Variants in SH3BP4 observed in about 807,000 individuals in gnomAD.
SH3BP4 encodes the protein SH3 domain-binding protein 4.
A neutral mutation model predicts 65.5 loss-of-function variants in SH3BP4; 33 were observed. That is an observed-to-expected ratio of 0.50 (90% CI 0.38 to 0.67). The LOEUF (loss-of-function observed/expected upper bound fraction) is 0.67, where lower values mean the gene tolerates loss of function less well. Among genes scored for constraint, SH3BP4 ranks in the 30% least tolerant of loss-of-function variants. The probability of loss-of-function intolerance (pLI) is 0.00; values close to 1 mark genes in which losing one functional copy is unlikely to be tolerated. For missense variants in SH3BP4, 1,134 were observed against 1,261.4 expected (o/e 0.90, Z 1.53); for synonymous variants, 552 against 545.5 (o/e 1.01, Z -0.17).
chr2:235,040,316 A>C (rs908540066), intron 3 of SH3BP4, among the ~76,000 whole-genome samples: 10 of 152,078 alleles, frequency 6.6e-5, no homozygotes, highest in African/African-American at 2.4e-4. Flanking sequence ...TTATCTGAGG[A>C]AACAGTTTGG....
At chr2:234,969,122 C>A (rs1041413696) in intron 1 of SH3BP4, among the ~76,000 whole-genome samples, 1 of 152,242 alleles carries the variant, frequency 6.6e-6, no homozygotes, top group Non-Finnish European at 1.5e-5. Flanking sequence ...CAGGGCGCCT[C>A]TTCCCCGTAG....
At position 235,052,487 on chromosome 2, in the gene SH3BP4, T is replaced by C; in HGVS notation, c.2479-75T>C. 1 of 1,234,806 alleles carries C rather than the reference T, an allele frequency of 8.1e-7. No homozygotes were observed. 76.5% of individuals were successfully genotyped at this position (1,234,806 alleles called of 1,614,324 possible). A position where few individuals can be genotyped will look rare whatever the true frequency, so the allele number is the denominator to read the frequency against. ...AGCCCATGGCCATTCCTGCGCCGTCTGCTGGAATTCTGCGGGGAGCAGAGC... is the reference window on the plus strand; with the variant it reads ...AGCCCATGGCCATTCCTGCGCCGTCCGCTGGAATTCTGCGGGGAGCAGAGC... On this transcript the variant is annotated intron_variant, in intron 4 of 5. Coordinates refer to ENST00000392011, the MANE Select transcript of SH3BP4 (RefSeq NM_014521.3). The surrounding 1 kb of genome is among the most constrained non-coding windows in gnomAD (Gnocchi z 5.0).
chr2:235,027,402 C>A (rs895602379), intron 2 of SH3BP4, among the ~76,000 whole-genome samples: 2 of 139,818 alleles, frequency 1.4e-5, no homozygotes, highest in Non-Finnish European at 3.1e-5. Context: ...GCTCGGGGTG[C>A]TGGGTGTCAG....
chr2:235,011,061 T>C (rs1372094991), intron 2 of SH3BP4, among the ~76,000 whole-genome samples: 1 of 150,114 alleles, frequency 6.7e-6, no homozygotes, highest in East Asian at 2.0e-4. Flanking sequence ...TTCCTCCCTC[T>C]CCTAGGAGAA....
rs1343836097 is a variant in SH3BP4, at chr2:235,041,361, G to A, written c.592G>A (p.Gly198Ser). 1.9e-6 allele frequency: 3 copies of A among 1,614,044 alleles called. No homozygotes were observed. In the South Asian group the frequency reaches 3.3e-5, roughly 18 times the overall value. The change falls in exon 4 of 6, where the codon GGT becomes AGT. Residue 198 changes from glycine to serine, a missense_variant. Coordinates refer to ENST00000392011, the MANE Select transcript of SH3BP4 (RefSeq NM_014521.3). The surrounding 1 kb of genome is among the most constrained non-coding windows in gnomAD (Gnocchi z 6.0). ...TGTGGATTTGCTCCTTTTTGACGCA[G>A]GTACATCCTCCTTCACCGAATCCAG... ...STVDLLLFDA[G>S]TSSFTESSSA...
At chr2:235,008,896 T>C (rs1694386626) in intron 2 of SH3BP4, among the ~76,000 whole-genome samples, 1 of 152,162 alleles carries the variant, frequency 6.6e-6, no homozygotes, top group African/African-American at 2.4e-5. Flanking sequence ...TGCCTGCCTG[T>C]TTTTGTCTGA....
intron 1 of SH3BP4, among the ~76,000 whole-genome samples, chr2:234,989,228 C>T (rs765540044): frequency 1.3e-5 from 2 of 152,106 alleles, no homozygotes; most frequent in Non-Finnish European, 2.9e-5. Context: ...ACTGATTGTG[C>T]GAACCCGAAG....
intron 4 of SH3BP4, among the ~76,000 whole-genome samples, chr2:235,044,469 T>C (rs555190555): frequency 6.6e-6 from 1 of 152,304 alleles, no homozygotes; most frequent in African/African-American, 2.4e-5. Flanking sequence ...CCTGTGGACT[T>C]CTCCCTGTGA....
At chr2:235,018,259 T>G (rs942322253) in intron 2 of SH3BP4, among the ~76,000 whole-genome samples, 3 of 152,146 alleles carry the variant, frequency 2.0e-5, no homozygotes, top group Non-Finnish European at 1.5e-5. Context: ...TGAGGTGCAG[T>G]TCCAGAAGCC....
At chr2:234,956,236 A>G (rs1352095013) in intron 1 of SH3BP4, among the ~76,000 whole-genome samples, 8 of 152,234 alleles carry the variant, frequency 5.3e-5, no homozygotes, top group Non-Finnish European at 1.2e-4. Context: ...GGGATAACCC[A>G]GGATTTGGTA....
chr2:235,052,760 G>A lies in SH3BP4; in HGVS notation c.2667+10G>A, dbSNP rs376959622. On this transcript the variant is annotated intron_variant, in intron 5 of 5. Transcript: ENST00000392011. This position sits in a 1 kb window ranked among gnomAD's most constrained non-coding sequence, Gnocchi z 5.0. ...GGTTGTGGACAGCGAGGTGAGCAGC[G>A]GCTGAGCTTCGAGCTCACCGAGCCC... 202 of 1,568,792 alleles carry A rather than the reference G, an allele frequency of 1.3e-4. 2 individuals carry two copies. The East Asian group carries it at 1.7e-3, about 13-fold the overall frequency.
intron 2 of SH3BP4, among the ~76,000 whole-genome samples, chr2:235,016,760 C>T (rs927334278): frequency 8.5e-5 from 13 of 152,324 alleles, no homozygotes; most frequent in African/African-American, 2.9e-4. Flanking sequence ...CCACCCACCT[C>T]GGCCTCCCGA....
Position 235,035,357 on chromosome 2 carries a change from C to G in SH3BP4, c.118+237C>G, listed in dbSNP as rs1324518138. 2.6e-5 allele frequency among the ~76,000 whole-genome samples: 4 copies of G among 152,098 alleles called. No individual in the cohort carries two copies. The highest frequency in any genetic ancestry group is 5.9e-5 in the Non-Finnish European group (4 of 67,996). On this transcript the variant is annotated intron_variant, in intron 3 of 5. Coordinates refer to ENST00000392011, the MANE Select transcript of SH3BP4 (RefSeq NM_014521.3). The surrounding 1 kb of genome is among the most constrained non-coding windows in gnomAD (Gnocchi z 5.0). Reference sequence around the variant, plus strand: ...TTAATACAGGGTATGTTTCTTTTTACTTGATAAAATTCGGTGACAGTGTGG... The same window carrying G: ...TTAATACAGGGTATGTTTCTTTTTAGTTGATAAAATTCGGTGACAGTGTGG...
At chr2:235,036,966 T>C (rs763507305) in intron 3 of SH3BP4, among the ~76,000 whole-genome samples, 5 of 152,030 alleles carry the variant, frequency 3.3e-5, no homozygotes, top group Non-Finnish European at 7.3e-5. Context: ...AGGCGCCACA[T>C]GTGACCCAGG....
intron 5 of SH3BP4, 90 bp from the exon 6 acceptor site, chr2:235,053,502 C>G: frequency 1.1e-6 from 1 of 933,324 alleles, no homozygotes; most frequent in South Asian, 1.5e-5. Context: ...ACTACTGAAG[C>G]TGCACCAAGT....
In SH3BP4 at chr2:235,035,208, G is replaced by A; in HGVS notation, c.118+88G>A. 2.2e-6 allele frequency: 2 copies of A among 925,742 alleles called. No individual in the cohort carries two copies. Among genetic ancestry groups the A allele is most frequent in the Non-Finnish European group, 3.6e-6 (2 of 560,726 alleles). The allele number at this position is 925,742 out of a possible 1,614,324, so 57.3% of individuals were successfully genotyped here. On this transcript the variant is annotated intron_variant, in intron 3 of 5. Coordinates refer to ENST00000392011, the MANE Select transcript of SH3BP4 (RefSeq NM_014521.3). The surrounding 1 kb of genome is among the most constrained non-coding windows in gnomAD (Gnocchi z 5.0). ...CAAGAACTTTTCTGCTTTAAAGATT[G>A]CCAGTTTAGCATTCAGATAGTTAAA...
chr2:234,994,032 T>C (rs1693836206), intron 1 of SH3BP4, among the ~76,000 whole-genome samples: 1 of 152,252 alleles, frequency 6.6e-6, no homozygotes, highest in African/African-American at 2.4e-5. Context: ...TCATTTTGCC[T>C]GTGTGATTTT....
intron 1 of SH3BP4, among the ~76,000 whole-genome samples, chr2:234,985,668 G>A (rs1260022569): frequency 6.6e-6 from 1 of 152,226 alleles, no homozygotes; most frequent in Non-Finnish European, 1.5e-5. Context: ...TCTGTTTGTA[G>A]CATCCTCCCT....
At chr2:235,012,125 T>A (rs1332923870) in intron 2 of SH3BP4, among the ~76,000 whole-genome samples, 1 of 152,252 alleles carries the variant, frequency 6.6e-6, no homozygotes, top group Non-Finnish European at 1.5e-5. Context: ...TCCCTCCAGC[T>A]GCTCATGAAT....
Sources: gnomAD v4.1 joint callset for allele counts (sites outside exome capture counted in the v4.1 genomes callset) on GRCh38, gnomAD v4.1.1 for gene constraint, Gnocchi (gnomAD v3.1) non-coding constraint, MANE v1.5 for transcripts, NCBI Gene and HGNC (gene_info 2026-07-23, HGNC 2026-07-21) for gene names.